ABCA1: variants seen among roughly 807,000 people sequenced by gnomAD.
The protein encoded by ABCA1 is ATP binding cassette subfamily A member 1, also known as phospholipid-transporting ATPase ABCA1.
ABCA1 carries 133 observed loss-of-function variants against 262.5 expected under a neutral mutation model. The observed-to-expected ratio is 0.51, with a 90% CI of 0.44 to 0.59. ABCA1 has a LOEUF of 0.59. Ranked by LOEUF, ABCA1 falls within the 20% of genes least tolerant of loss-of-function variation. The pLI is 0.00. For synonymous variants in ABCA1, 1,022 were observed against 1,043.5 expected (o/e 0.98, Z 0.40); for missense variants, 2,452 against 2,777.5 (o/e 0.88, Z 2.63).
At chr9:104,831,524 T>C in intron 13 of ABCA1, 98 bp downstream of exon 13, 1 of 1,037,180 alleles carries the variant, frequency 9.6e-7, no homozygotes, top group Non-Finnish European at 1.4e-6. Flanking sequence ...TTGAAATTTC[T>C]ACCAAATTTT....
chr9:104,885,767 C>A (rs778242710), intron 3 of ABCA1, among the ~76,000 whole-genome samples: 20 of 152,116 alleles, frequency 1.3e-4, no homozygotes, highest in Non-Finnish European at 2.6e-4. Context: ...AACCCAAGGA[C>A]CTGTTCAGGT....
chr9:104,820,146 T>G lies in ABCA1; in HGVS notation c.2961-77A>C. On this transcript the variant is annotated intron_variant, in intron 20 of 49. Coordinates refer to ENST00000374736, the MANE Select transcript of ABCA1 (RefSeq NM_005502.4). ...ACAGTGTCCCCTGGCCCAGAACAGA[T>G]GAGAATGGGCATATTTTTCTCTCCC... is the stretch of plus-strand genomic sequence containing the variant. The G allele has an allele frequency of 1.9e-6, 3 of 1,558,770 alleles. No individual in the cohort carries two copies. The South Asian group carries it at 3.3e-5, about 17-fold the overall frequency.
At chr9:104,793,050 A>G in intron 41 of ABCA1, 121 bp downstream of exon 41, 1 of 1,585,502 alleles carries the variant, frequency 6.3e-7, no homozygotes, top group African/African-American at 1.3e-5. Flanking sequence ...ACATCAGGAA[A>G]ATCAGTTTTA....
chr9:104,918,090 T>C (rs376871900), intron 1 of ABCA1, among the ~76,000 whole-genome samples: 26 of 152,190 alleles, frequency 1.7e-4, no homozygotes, highest in African/African-American at 5.1e-4. Context: ...TTAAATGAGA[T>C]CATATATAAG....
At chr9:104,866,302 C>T (rs1362976106) in intron 5 of ABCA1, among the ~76,000 whole-genome samples, 1 of 152,018 alleles carries the variant, frequency 6.6e-6, no homozygotes, top group African/African-American at 2.4e-5. Context: ...TCAGTCTTCT[C>T]CCCTATGTTG....
At chr9:104,903,346 C>T (rs903864591) in intron 2 of ABCA1, among the ~76,000 whole-genome samples, 1 of 152,086 alleles carries the variant, frequency 6.6e-6, no homozygotes, top group Non-Finnish European at 1.5e-5. Flanking sequence ...AGGGGCGATT[C>T]GGAGCCAGGT....
At chr9:104,802,327 G>A (rs1830411640) in intron 33 of ABCA1, among the ~76,000 whole-genome samples, 168 bp from the exon 34 acceptor site, 1 of 152,144 alleles carries the variant, frequency 6.6e-6, no homozygotes, top group African/African-American at 2.4e-5. Context: ...ATAAATGTTG[G>A]CAATCTCTTA....
At chr9:104,907,306 A>G (rs1311267683) in intron 1 of ABCA1, among the ~76,000 whole-genome samples, 1 of 152,034 alleles carries the variant, frequency 6.6e-6, no homozygotes, top group Non-Finnish European at 1.5e-5. Flanking sequence ...TCCTTTCCTG[A>G]TATCCTCCCC....
chr9:104,906,750 CAA>C (rs35167860), intron 1 of ABCA1, among the ~76,000 whole-genome samples: 163 of 82,908 alleles, frequency 2.0e-3, no homozygotes, highest in Middle Eastern at 7.2e-3. Context: ...AAACCAAAAT[CAA>C]AAAAAAAAAA....
At position 104,791,847 on chromosome 9, in the gene ABCA1, T is replaced by C. The variant is rs752540248; in HGVS notation, c.5820+89A>G. ...AAATACAGAAGCCTTTAAAATCCAC[T>C]TTTACCTCTTAACGAGCATCGTTGC... On this transcript the variant is annotated intron_variant, in intron 43 of 49. Coordinates refer to ENST00000374736, the MANE Select transcript of ABCA1 (RefSeq NM_005502.4). 5.1e-6 allele frequency: 7 copies of C among 1,373,038 alleles called. No individual in the cohort carries two copies. In the East Asian group the frequency reaches 1.5e-4, roughly 29 times the overall value. 85.1% of individuals were successfully genotyped at this position (1,373,038 alleles called of 1,614,324 possible).
intron 4 of ABCA1, among the ~76,000 whole-genome samples, chr9:104,883,800 T>A (rs1838902792): frequency 6.6e-6 from 1 of 152,180 alleles, no homozygotes; most frequent in Admixed American, 6.5e-5. Flanking sequence ...CTAACTCACA[T>A]CACGGTCCTG....
At chr9:104,814,890 G>T (rs1831603344) in intron 25 of ABCA1, among the ~76,000 whole-genome samples, 1 of 152,170 alleles carries the variant, frequency 6.6e-6, no homozygotes, top group African/African-American at 2.4e-5. Context: ...AGCTACTTGG[G>T]AGGCTGAGGC....
chr9:104,827,594 T>A (rs1325610982), intron 15 of ABCA1, among the ~76,000 whole-genome samples: 3 of 152,182 alleles, frequency 2.0e-5, no homozygotes, highest in Non-Finnish European at 4.4e-5. Flanking sequence ...TCCCTCTTGA[T>A]CACCATGGAT....
intron 5 of ABCA1, 98 bp downstream of exon 5, chr9:104,882,941 A>T (rs1377897112): frequency 4.2e-6 from 5 of 1,198,350 alleles, no homozygotes; most frequent in Non-Finnish European, 6.2e-6. Flanking sequence ...CTTGGGGAAG[A>T]TCTAATGGGA....
At chr9:104,882,271 G>C (rs1230551824) in intron 5 of ABCA1, among the ~76,000 whole-genome samples, 1 of 152,240 alleles carries the variant, frequency 6.6e-6, no homozygotes, top group South Asian at 2.1e-4. Flanking sequence ...AACCACCGGC[G>C]CATGATAATA....
At chr9:104,844,378 G>A (rs1834670561) in intron 8 of ABCA1, among the ~76,000 whole-genome samples, 1 of 149,152 alleles carries the variant, frequency 6.7e-6, no homozygotes, top group African/African-American at 2.4e-5. Flanking sequence ...CTCTGGAAAA[G>A]GAACCCAAAA....
At chr9:104,800,289 G>C (rs1236014973) in intron 35 of ABCA1, among the ~76,000 whole-genome samples, 3 of 152,194 alleles carry the variant, frequency 2.0e-5, no homozygotes, top group Non-Finnish European at 4.4e-5. Flanking sequence ...CTGAGGTTTA[G>C]ATAGGTTAAG....
intron 18 of ABCA1, 105 bp downstream of exon 18, chr9:104,824,360 G>T (rs1004012329): frequency 1.8e-5 from 28 of 1,565,732 alleles, no homozygotes; most frequent in Non-Finnish European, 2.3e-5. Context: ...CCCCTGGAGT[G>T]GTTTCACAGT....
At chr9:104,861,624 C>A (rs202161597) in intron 6 of ABCA1, 55 bp downstream of exon 6, 251 of 1,611,448 alleles carry the variant, frequency 1.6e-4, no homozygotes, top group Non-Finnish European at 2.0e-4. Context: ...TTTCCAGTAG[C>A]TGCACAACGT....
Sources: allele counts gnomAD v4.1 joint callset (sites outside exome capture counted in the v4.1 genomes callset), GRCh38; gene constraint gnomAD v4.1.1; transcripts MANE v1.5; gene names NCBI Gene and HGNC (gene_info 2026-07-23, HGNC 2026-07-21).